RNLS: variants seen among roughly 807,000 people sequenced by gnomAD.
RNLS encodes the protein renalase, FAD dependent amine oxidase, also known as renalase.
In RNLS, 39 loss-of-function variants were observed where a neutral mutation model predicts 39.8. The observed-to-expected ratio is 0.98, with a 90% CI of 0.76 to 1.28. The LOEUF is 1.28. RNLS is among the 50% of genes most tolerant of loss of function. The probability of loss-of-function intolerance (pLI) is 0.00; values close to 1 mark genes in which losing one functional copy is unlikely to be tolerated. For missense variants in RNLS, 410 were observed against 413.3 expected (o/e 0.99, Z 0.07); for synonymous variants, 147 against 150.7 (o/e 0.98, Z 0.18).
At chr10:88,346,492 G>C (rs965070995) in intron 5 of RNLS, among the ~76,000 whole-genome samples, 1 of 152,132 alleles carries the variant, frequency 6.6e-6, no homozygotes, top group Non-Finnish European at 1.5e-5. Context: ...GTGGCTTTCA[G>C]ATTCAGCAAT....
At chr10:88,377,823 ATAAAT>A (rs919488734) in intron 4 of RNLS, among the ~76,000 whole-genome samples, 2 of 152,172 alleles carry the variant, frequency 1.3e-5, no homozygotes, top group Admixed American at 6.5e-5. Context: ...TTCTTCAATA[ATAAAT>A]TAATCTTAGC....
rs563388832 is a variant in RNLS, at chr10:88,425,266, T to A, written c.527-62541A>T. On this transcript the variant is annotated intron_variant, in intron 4 of 6. Transcript: ENST00000331772. ...CATTGTAAAATAAACAATTCTTCAG[T>A]AGAGTTTTTGTTAGTACATAAAACT... Among the ~76,000 whole-genome samples the A allele has an allele frequency of 8.5e-5, 13 of 152,282 alleles. No homozygotes were observed. In the South Asian group the frequency reaches 2.7e-3, roughly 32 times the overall value.
intron 4 of RNLS, among the ~76,000 whole-genome samples, chr10:88,465,762 A>G (rs1201156004): frequency 6.6e-6 from 1 of 152,150 alleles, no homozygotes; most frequent in Non-Finnish European, 1.5e-5. Context: ...TACTATTAGT[A>G]GTTGCTTACA....
chr10:88,352,473 T>G (rs1012819969), intron 5 of RNLS, among the ~76,000 whole-genome samples: 1 of 152,226 alleles, frequency 6.6e-6, no homozygotes, highest in African/African-American at 2.4e-5. Context: ...GGCTTTTGTC[T>G]TTGGTTCTGT....
At chr10:88,560,232 G>C (rs1251183064) in intron 4 of RNLS, among the ~76,000 whole-genome samples, 1 of 152,070 alleles carries the variant, frequency 6.6e-6, no homozygotes. Flanking sequence ...TATTAGTAAA[G>C]ATATGGCAAG....
At chr10:88,226,781 A>ATGCAAAT in the RNLS span, among the ~76,000 whole-genome samples, 2 of 121,202 alleles carry the variant, frequency 1.7e-5, no homozygotes, top group Admixed American at 1.0e-4. Flanking sequence ...GTGGAGGAGG[A>ATGCAAAT]ATCTAAAAAC....
intron 4 of RNLS, among the ~76,000 whole-genome samples, chr10:88,449,057 G>A (rs770144858): frequency 6.6e-6 from 1 of 152,174 alleles, no homozygotes; most frequent in African/African-American, 2.4e-5. Flanking sequence ...TAAATGAAGA[G>A]TTAATAGGTG....
intron 4 of RNLS, among the ~76,000 whole-genome samples, chr10:88,437,993 G>A (rs531159116): frequency 3.8e-4 from 58 of 152,256 alleles, no homozygotes; most frequent in Admixed American, 2.3e-3. Flanking sequence ...GGGCGTGGTA[G>A]CACATGCCTG....
At chr10:88,404,040 C>T (rs139164027) in intron 4 of RNLS, among the ~76,000 whole-genome samples, 79 of 151,910 alleles carry the variant, frequency 5.2e-4, no homozygotes, top group African/African-American at 1.8e-3. Flanking sequence ...CAAGGCCTTG[C>T]CTACAGAAAA....
At chr10:88,219,186 C>T in the RNLS span, among the ~76,000 whole-genome samples, 1 of 152,108 alleles carries the variant, frequency 6.6e-6, no homozygotes. Context: ...TAAATGGTTA[C>T]ATAACTAAAT....
intron 4 of RNLS, among the ~76,000 whole-genome samples, chr10:88,569,650 A>T (rs1382581015): frequency 6.6e-6 from 1 of 152,224 alleles, no homozygotes; most frequent in Non-Finnish European, 1.5e-5. Flanking sequence ...CAATTTTCAG[A>T]TCTGAACTTA....
the RNLS span, among the ~76,000 whole-genome samples, chr10:88,249,040 C>A: frequency 6.6e-6 from 1 of 152,176 alleles, no homozygotes; most frequent in African/African-American, 2.4e-5. Context: ...GCCTTCCCTT[C>A]GTCTGCTCTG....
At chr10:88,560,941 A>AACACACAC (rs35709088) in intron 4 of RNLS, among the ~76,000 whole-genome samples, 24 of 145,808 alleles carry the variant, frequency 1.6e-4, no homozygotes, top group African/African-American at 5.8e-4. Flanking sequence ...GTTCAGAGAT[A>AACACACAC]ACACACACAC....
At chr10:88,339,258 T>G (rs1469726635) in intron 5 of RNLS, among the ~76,000 whole-genome samples, 2 of 152,192 alleles carry the variant, frequency 1.3e-5, no homozygotes, top group African/African-American at 2.4e-5. Context: ...GCAAATAAAT[T>G]TTAAAAGCTA....
chr10:88,181,110 C>T, the RNLS span, among the ~76,000 whole-genome samples: 1 of 152,264 alleles, frequency 6.6e-6, no homozygotes, highest in South Asian at 2.1e-4. Flanking sequence ...GGGAGAATTT[C>T]TTGGGTTATC....
At chr10:88,275,436 G>T (rs1487162366) in intron 6 of RNLS, among the ~76,000 whole-genome samples, 2 of 151,882 alleles carry the variant, frequency 1.3e-5, no homozygotes, top group African/African-American at 4.8e-5. Flanking sequence ...CTTGCACAAG[G>T]GTAAAAAGAG....
intron 6 of RNLS, among the ~76,000 whole-genome samples, chr10:88,288,265 A>C (rs1843421719): frequency 6.6e-6 from 1 of 152,150 alleles, no homozygotes; most frequent in African/African-American, 2.4e-5. Flanking sequence ...TGAGGCTCAG[A>C]AAGATTACTA....
chr10:88,548,249 A>ATG (rs1848420958), intron 4 of RNLS, among the ~76,000 whole-genome samples: 2 of 111,670 alleles, frequency 1.8e-5, no homozygotes, highest in Non-Finnish European at 3.6e-5. Flanking sequence ...GCGACAGAGC[A>ATG]AGACTCCGTC....
intron 6 of RNLS, among the ~76,000 whole-genome samples, chr10:88,311,388 A>C (rs1845371593): frequency 6.6e-6 from 1 of 152,232 alleles, no homozygotes; most frequent in Non-Finnish European, 1.5e-5. Flanking sequence ...TAACAGACTA[A>C]GCATCAAGTT....
Sources: allele counts gnomAD v4.1 joint callset (sites outside exome capture counted in the v4.1 genomes callset), GRCh38; gene constraint gnomAD v4.1.1; transcripts MANE v1.5; gene names NCBI Gene and HGNC (gene_info 2026-07-23, HGNC 2026-07-21).